Variants in ABCG2 observed in about 807,000 individuals in gnomAD.
ABCG2 encodes the protein broad substrate specificity ATP-binding cassette transporter ABCG2.
In ABCG2, 80 loss-of-function variants were observed where a neutral mutation model predicts 73.5. The ratio of observed to expected loss-of-function variants is 1.09; its 90% CI spans 0.91 to 1.31. ABCG2 has a LOEUF of 1.31. Among genes scored for constraint, ABCG2 ranks in the 50% most tolerant of loss-of-function variants. The pLI is 0.00. For synonymous variants in ABCG2, 269 were observed against 282.4 expected (o/e 0.95, Z 0.48); for missense variants, 796 against 786.2 (o/e 1.01, Z -0.15).
intron 1 of ABCG2, among the ~76,000 whole-genome samples, chr4:88,186,224 T>C (rs1402760832): frequency 1.3e-5 from 2 of 152,198 alleles, no homozygotes; most frequent in Non-Finnish European, 2.9e-5. Flanking sequence ...ATAAATGGAA[T>C]TGAAGGTCAT....
chr4:88,115,410 AG>A (rs1186543849), intron 7 of ABCG2, among the ~76,000 whole-genome samples: 1 of 150,006 alleles, frequency 6.7e-6, no homozygotes, highest in South Asian at 2.1e-4. Flanking sequence ...CAGCCTCCCA[AG>A]TAGCTGGGAT....
At chr4:88,212,828 G>A (rs2110124623) in intron 1 of ABCG2, among the ~76,000 whole-genome samples, 1 of 152,274 alleles carries the variant, frequency 6.6e-6, no homozygotes, top group East Asian at 1.9e-4. Context: ...CCTGCTCTGT[G>A]CCTGTACCCC....
At chr4:88,109,650 C>T (rs1192668918) in intron 9 of ABCG2, among the ~76,000 whole-genome samples, 1 of 152,138 alleles carries the variant, frequency 6.6e-6, no homozygotes, top group East Asian at 1.9e-4. Context: ...ACAGATAATC[C>T]ATTCATTCTA....
intron 1 of ABCG2, among the ~76,000 whole-genome samples, chr4:88,144,858 T>G (rs897372974): frequency 6.6e-6 from 1 of 152,188 alleles, no homozygotes; most frequent in Non-Finnish European, 1.5e-5. Context: ...ATTTCTCAAT[T>G]TTTTTACTCT....
intron 12 of ABCG2, among the ~76,000 whole-genome samples, chr4:88,098,645 G>GAGATAGATAGAT (rs55760486): frequency 0.22 from 32,037 of 143,630 alleles, 3,892 homozygotes; most frequent in East Asian, 0.32. Flanking sequence ...GAGACAGGGA[G>GAGATAGATAGAT]AGATAGATAG....
In ABCG2 at chr4:88,131,170, T is replaced by C; in HGVS notation, c.422A>G (p.Gln141Arg). ...TGCAAGCCGAAGAGCTGCTGAGAAC[T>C]GTAAGTTTTCTCTCACCGTCAGAGT... is the stretch of plus-strand genomic sequence containing the variant. The part of the protein sequence containing the change: ...MGTLTVRENL[Q>R]FSAALRLATT... The change falls in exon 5 of 16, where the codon CAG (glutamine) becomes CGG (arginine). Residue 141 changes from glutamine (Q) to arginine (R), a missense_variant. Gln to Arg is a conservative substitution (Grantham distance 43). Coordinates refer to ENST00000237612, the MANE Select transcript of ABCG2 (RefSeq NM_004827.3). 1 of 1,614,062 alleles carries C rather than the reference T, an allele frequency of 6.2e-7. No homozygotes were observed. Among genetic ancestry groups the C allele is most frequent in the Non-Finnish European group, 8.5e-7 (1 of 1,179,962 alleles).
chr4:88,185,460 C>A (rs775389100), intron 1 of ABCG2, among the ~76,000 whole-genome samples: 6 of 152,052 alleles, frequency 3.9e-5, no homozygotes, highest in Non-Finnish European at 8.8e-5. Flanking sequence ...TGAGTAATAC[C>A]CCATGAGCAC....
chr4:88,117,256 G>A (rs1434291436), intron 7 of ABCG2, among the ~76,000 whole-genome samples: 1 of 151,788 alleles, frequency 6.6e-6, no homozygotes, highest in African/African-American at 2.4e-5. Context: ...GGGGGTTGAG[G>A]CTGCAGTGAG....
At chr4:88,165,348 G>A (rs1436910918) in intron 1 of ABCG2, among the ~76,000 whole-genome samples, 1 of 152,234 alleles carries the variant, frequency 6.6e-6, no homozygotes, top group Non-Finnish European at 1.5e-5. Context: ...AAATCAAAAT[G>A]TCAGCAGGTC....
In ABCG2 at chr4:88,169,898, G is replaced by A. The variant is rs371642939; in HGVS notation, c.-19-29884C>T. On this transcript the variant is annotated intron_variant, in intron 1 of 15. Coordinates refer to the ABCG2 transcript ENST00000515655. The stretch of plus-strand genomic sequence containing the variant: ...GGCCGAGGTGGGTGGATCACCTGAG[G>A]TCAGGAGTTCGAGACCAGCCTGGCC... Among the ~76,000 whole-genome samples the A allele has an allele frequency of 8.5e-5, 13 of 152,132 alleles. No homozygotes were observed. The East Asian group carries it at 1.7e-3, about 20-fold the overall frequency.
intron 1 of ABCG2, among the ~76,000 whole-genome samples, chr4:88,197,338 T>C (rs1182051526): frequency 6.6e-6 from 1 of 151,988 alleles, no homozygotes; most frequent in Non-Finnish European, 1.5e-5. Context: ...TGATAAAAGC[T>C]CTAATGGGGC....
upstream of ABCG2, among the ~76,000 whole-genome samples, chr4:88,231,616 C>T (rs1730467211): frequency 6.6e-6 from 1 of 151,998 alleles, no homozygotes; most frequent in African/African-American, 2.4e-5. Flanking sequence ...GCTTTTTTAA[C>T]CCTGATGTAA....
intron 1 of ABCG2, among the ~76,000 whole-genome samples, chr4:88,189,429 A>C (rs990302630): frequency 2.6e-5 from 4 of 152,014 alleles, no homozygotes; most frequent in Non-Finnish European, 5.9e-5. Context: ...CAGGAGAATC[A>C]CTTGAGCCAA....
chr4:88,154,573 T>G (rs776353964), intron 1 of ABCG2, among the ~76,000 whole-genome samples: 1 of 152,136 alleles, frequency 6.6e-6, no homozygotes, highest in Non-Finnish European at 1.5e-5. Context: ...CTGGTGGAAC[T>G]GCCATCAGTA....
rs1043296985 is a variant in ABCG2, at chr4:88,124,327, T to C, written c.532-2535A>G. On this transcript the variant is annotated intron_variant, in intron 5 of 15. Transcript: ENST00000237612. ...CACACATAACAATATTAACCTGAAA[T>C]GTAAATGGGCTAAATGCCCCAGTTA... Among the ~76,000 whole-genome samples the C allele has an allele frequency of 2.0e-5, 3 of 152,134 alleles. No homozygotes were observed. The East Asian group carries it at 5.8e-4, about 29-fold the overall frequency.
At chr4:88,113,263 T>C (rs754957675) in intron 9 of ABCG2, 40 bp downstream of exon 9, 2 of 1,598,082 alleles carry the variant, frequency 1.3e-6, no homozygotes, top group Admixed American at 3.5e-5. Flanking sequence ...CAGAACCACA[T>C]TGTTCCCATT....
chr4:88,129,867 C>A (rs1296770238), intron 5 of ABCG2, among the ~76,000 whole-genome samples: 1 of 152,020 alleles, frequency 6.6e-6, no homozygotes, highest in Admixed American at 6.6e-5. Context: ...TCATTTTTTT[C>A]TTCACGATCC....
intron 1 of ABCG2, among the ~76,000 whole-genome samples, chr4:88,224,438 C>CAAAAGCA (rs1730124420): frequency 6.6e-6 from 1 of 150,544 alleles, no homozygotes; most frequent in African/African-American, 2.4e-5. Flanking sequence ...GACCCTGTCT[C>CAAAAGCA]AAAAACAAAA....
chr4:88,107,706 T>A (rs919106255), intron 9 of ABCG2, among the ~76,000 whole-genome samples: 3 of 152,248 alleles, frequency 2.0e-5, no homozygotes, highest in Non-Finnish European at 4.4e-5. Context: ...AGTCATTTTA[T>A]ATTTCAAGAG....
Sources: allele counts gnomAD v4.1 joint callset (sites outside exome capture counted in the v4.1 genomes callset), GRCh38; gene constraint gnomAD v4.1.1; transcripts MANE v1.5; gene names NCBI Gene and HGNC (gene_info 2026-07-23, HGNC 2026-07-21).